Variants in PGR observed in about 807,000 individuals in gnomAD.
PGR encodes the protein progesterone receptor, also known as nuclear receptor subfamily 3 group C member 3.
A neutral mutation model predicts 76.1 loss-of-function variants in PGR; 25 were observed. The observed-to-expected ratio is 0.33, with a 90% CI of 0.24 to 0.46. The LOEUF (loss-of-function observed/expected upper bound fraction) is 0.46, where lower values mean the gene tolerates loss of function less well. Ranked by LOEUF, PGR falls within the 20% of genes least tolerant of loss-of-function variation. PGR has a pLI of 1.00. For missense variants in PGR, 1,172 were observed against 1,225.3 expected, an observed-to-expected ratio of 0.96 and a Z score of 0.65; for synonymous variants, 579 against 535.0, an observed-to-expected ratio of 1.08 and a Z score of -1.14.
rs1402992203 is a variant in PGR at position 101,035,880 on chromosome 11, G to C, written c.*3236C>G. The C allele has an allele frequency of 8.7e-6, 2 of 229,790 alleles. No homozygotes were observed. The highest frequency in any genetic ancestry group is 1.7e-5 in the Non-Finnish European group (2 of 115,996). The allele number at this position is 229,790 out of a possible 1,614,324, so 14.2% of individuals were successfully genotyped here. A position where few individuals can be genotyped will look rare whatever the true frequency, so the allele number is the denominator to read the frequency against. On this transcript the variant is annotated 3_prime_UTR_variant, in exon 8 of 8. Transcript: ENST00000325455. ...CTGCTTTCACTGTAGAATATAGCTG[G>C]TGAGTTTGATAAAATTATAGCCAGA...
chr11:101,089,930 G>T (rs931575015), intron 3 of PGR, among the ~76,000 whole-genome samples: 1 of 152,214 alleles, frequency 6.6e-6, no homozygotes, highest in Admixed American at 6.5e-5. Context: ...CGGGTGCAGT[G>T]GCTCACGCCT....
chr11:101,050,061 T>G lies in PGR; in HGVS notation c.2358-2A>C. The G allele has an allele frequency of 6.2e-7, 1 of 1,612,336 alleles. No homozygotes were observed. The highest frequency in any genetic ancestry group is 8.5e-7 in the Non-Finnish European group (1 of 1,179,026). On this transcript the variant is annotated splice_acceptor_variant, in intron 5 of 7. Transcript: ENST00000325455. LOFTEE classifies it high-confidence loss of function. Reference sequence around the variant, plus strand: ...AATGATGATTCTTTCATCCGCTGTCTTGCATCACACACAATACACAAAAGA... The same window carrying G: ...AATGATGATTCTTTCATCCGCTGTCGTGCATCACACACAATACACAAAAGA...
At chr11:101,092,104 G>C (rs950084950) in intron 2 of PGR, among the ~76,000 whole-genome samples, 8 of 152,076 alleles carry the variant, frequency 5.3e-5, no homozygotes, top group African/African-American at 1.9e-4. Context: ...TCAATCCTAG[G>C]GCTCCTTTAA....
chr11:101,097,732 C>A (rs960576623), intron 2 of PGR, among the ~76,000 whole-genome samples: 1 of 151,412 alleles, frequency 6.6e-6, no homozygotes, highest in African/African-American at 2.4e-5. Context: ...TAGTAATAGA[C>A]CATAATTAAA....
intron 2 of PGR, among the ~76,000 whole-genome samples, chr11:101,121,833 TTAAG>T (rs1862687812): frequency 6.6e-6 from 1 of 152,118 alleles, no homozygotes. Context: ...ACTAATGTAA[TTAAG>T]GTAATTACTT....
intron 4 of PGR, among the ~76,000 whole-genome samples, chr11:101,052,835 A>G (rs1178699302): frequency 6.6e-6 from 1 of 152,180 alleles, no homozygotes; most frequent in African/African-American, 2.4e-5. Flanking sequence ...AGAAGGAATC[A>G]AATACATCTT....
chr11:101,052,810 C>T lies in PGR; in HGVS notation c.2213-1242G>A, dbSNP rs553011215. ...TAAAAGACATTTGTCAACTGATTGC[C>T]GGTAGATGGGAAGAAGAAGGAATCA... On this transcript the variant is annotated intron_variant, in intron 4 of 7. Coordinates refer to ENST00000325455, the MANE Select transcript of PGR (RefSeq NM_000926.4). Among the ~76,000 whole-genome samples the T allele has an allele frequency of 1.6e-4, 25 of 152,114 alleles. No homozygotes were observed. In the South Asian group the frequency reaches 1.7e-3, roughly 10 times the overall value.
At chr11:101,079,748 T>C (rs1394215087) in intron 3 of PGR, among the ~76,000 whole-genome samples, 2 of 152,228 alleles carry the variant, frequency 1.3e-5, no homozygotes, top group South Asian at 2.1e-4. Context: ...GCAGCAATCC[T>C]ACTGTTGGGC....
chr11:101,127,632 C>T lies in PGR; in HGVS notation c.1439G>A (p.Cys480Tyr). ...PQQGPFAPPPCKAPGASGCLL... is the reference protein window; with the variant it reads ...PQQGPFAPPPYKAPGASGCLL... ...GCAGCCGCTCGCGCCCGGCGCCTTG[C>T]AGGGCGGCGGCGCGAACGGGCCCTG... Residue 480 changes from cysteine (C) to tyrosine (Y), a missense_variant, in exon 1 of 8, where the codon TGC becomes TAC. Transcript: ENST00000325455. 2 of 1,364,670 alleles carry T rather than the reference C, an allele frequency of 1.5e-6. No individual in the cohort carries two copies. The highest frequency in any genetic ancestry group is 1.9e-6 in the Non-Finnish European group (2 of 1,066,240). The allele number at this position is 1,364,670 out of a possible 1,614,324, so 84.5% of individuals were successfully genotyped here. A position where few individuals can be genotyped will look rare whatever the true frequency, so the allele number is the denominator to read the frequency against.
intron 4 of PGR, among the ~76,000 whole-genome samples, chr11:101,055,022 T>A (rs1860236932): frequency 6.6e-6 from 1 of 151,996 alleles, no homozygotes; most frequent in Non-Finnish European, 1.5e-5. Context: ...GGTGAAAAAA[T>A]TTTAAAGATA....
Position 101,049,837 on chromosome 11 carries a change from C to T in PGR, c.2488+92G>A. The T allele has an allele frequency of 3.1e-6, 3 of 980,510 alleles. No individual in the cohort carries two copies. The South Asian group carries it at 4.0e-5, about 13-fold the overall frequency. 60.7% of individuals were successfully genotyped at this position (980,510 alleles called of 1,614,324 possible). A position where few individuals can be genotyped will look rare whatever the true frequency, so the allele number is the denominator to read the frequency against. On this transcript the variant is annotated intron_variant, in intron 6 of 7. Coordinates refer to ENST00000325455, the MANE Select transcript of PGR (RefSeq NM_000926.4). Reference sequence around the variant, plus strand: ...TATACTTATAATCCAAGACGTCTACCTCATACATAACTATATAATCATATT... The same window carrying T: ...TATACTTATAATCCAAGACGTCTACTTCATACATAACTATATAATCATATT...
intron 3 of PGR, among the ~76,000 whole-genome samples, chr11:101,084,856 A>G (rs1005468978): frequency 6.6e-6 from 1 of 152,194 alleles, no homozygotes; most frequent in Non-Finnish European, 1.5e-5. Context: ...AGACTTTAAC[A>G]ACAGTAAAAA....
chr11:101,046,988 C>T (rs1859910069), intron 6 of PGR, among the ~76,000 whole-genome samples: 1 of 152,042 alleles, frequency 6.6e-6, no homozygotes, highest in African/African-American at 2.4e-5. Context: ...TCAAGTTCAC[C>T]CTCTTCTCCC....
chr11:101,119,228 C>T (rs776966664), intron 2 of PGR, among the ~76,000 whole-genome samples: 10 of 152,286 alleles, frequency 6.6e-5, no homozygotes, highest in Middle Eastern at 3.4e-3. Flanking sequence ...GGGCCCGCAC[C>T]GGACCATGGA....
chr11:101,045,369 G>A (rs1034140148), intron 6 of PGR, among the ~76,000 whole-genome samples: 1 of 151,926 alleles, frequency 6.6e-6, no homozygotes, highest in African/African-American at 2.4e-5. Flanking sequence ...TGAATATATT[G>A]CATAGTGGTG....
rs1245914096 is a variant in PGR at position 101,118,959 on chromosome 11, GT to G, written c.1789+7047del. 2.0e-5 allele frequency among the ~76,000 whole-genome samples: 3 copies of G among 152,188 alleles called. No individual in the cohort carries two copies. The East Asian group carries it at 5.8e-4, about 29-fold the overall frequency. The stretch of plus-strand genomic sequence containing the variant: ...TCAACCTTTTTGGTATCAGGGACCA[GT>G]TTTGTGGAATACAATTTTTCCATGG... On this transcript the variant is annotated intron_variant, in intron 2 of 7. Coordinates refer to ENST00000325455, the MANE Select transcript of PGR (RefSeq NM_000926.4).
chr11:101,053,566 C>T (rs553480396), intron 4 of PGR, among the ~76,000 whole-genome samples: 3 of 126,170 alleles, frequency 2.4e-5, no homozygotes, highest in Non-Finnish European at 5.0e-5. Flanking sequence ...CCCCTTCTCC[C>T]TTTCTTCCCT....
chr11:101,030,458 G>A lies in PGR; in HGVS notation c.*8658C>T, dbSNP rs559805652. 2 of 230,966 alleles carry A rather than the reference G, an allele frequency of 8.7e-6. No homozygotes were observed. Among genetic ancestry groups the A allele is most frequent in the South Asian group, 1.8e-4 (1 of 5,508 alleles). 14.3% of individuals were successfully genotyped at this position (230,966 alleles called of 1,614,324 possible). A position where few individuals can be genotyped will look rare whatever the true frequency, so the allele number is the denominator to read the frequency against. On this transcript the variant is annotated 3_prime_UTR_variant, in exon 8 of 8. Transcript: ENST00000325455. ...GCCAGGAGAACTGTCAGGCACACAT[G>A]GATAGATGAAGAGTCTCACCCTCTT...
At chr11:101,081,618 A>C (rs2135440433) in intron 3 of PGR, among the ~76,000 whole-genome samples, 1 of 152,268 alleles carries the variant, frequency 6.6e-6, no homozygotes, top group African/African-American at 2.4e-5. Context: ...AGCGTTCTTA[A>C]AAGAAATTTC....
Sources: allele counts gnomAD v4.1 joint callset (sites outside exome capture counted in the v4.1 genomes callset), GRCh38; gene constraint gnomAD v4.1.1; transcripts MANE v1.5; gene names NCBI Gene and HGNC (gene_info 2026-07-23, HGNC 2026-07-21).